ARHGAP15: variants seen among roughly 807,000 people sequenced by gnomAD.
ARHGAP15 encodes rho GTPase-activating protein 15.
In ARHGAP15, 51 loss-of-function variants were observed where a neutral mutation model predicts 63.7. The observed-to-expected ratio is 0.80, with a 90% CI of 0.64 to 1.01. ARHGAP15 has a LOEUF of 1.01. Ranked by LOEUF, ARHGAP15 falls within the 50% of genes least tolerant of loss-of-function variation. The pLI is 0.00. For synonymous variants in ARHGAP15, 191 were observed against 193.8 expected (o/e 0.99, Z 0.12); for missense variants, 560 against 564.6 (o/e 0.99, Z 0.08).
intron 2 of ARHGAP15, chr2:143,162,417 A>G (rs1394868793): frequency 6.6e-6 from 1 of 151,996 alleles, no homozygotes; most frequent in East Asian, 1.9e-4. Context: ...TCCTCTGTCG[A>G]GTTCACTGCA....
chr2:143,230,952 G>T (rs1449604474), intron 5 of ARHGAP15, among the ~76,000 whole-genome samples: 1 of 151,920 alleles, frequency 6.6e-6, no homozygotes, highest in Non-Finnish European at 1.5e-5. Flanking sequence ...TGATTTAAAA[G>T]AATAAATGGT....
intron 5 of ARHGAP15, chr2:143,237,772 C>T (rs1330592016): frequency 6.6e-6 from 1 of 152,078 alleles, no homozygotes; most frequent in Non-Finnish European, 1.5e-5. Context: ...ACATTGTAAA[C>T]ATTTTAGGGA....
rs954989480 is a variant in ARHGAP15, at chr2:143,626,544, T to C, written c.1138+2277T>C. On this transcript the variant is annotated intron_variant, in intron 12 of 13. Transcript: ENST00000295095. ...GCGAAAGGACAAAGCTTCCACAGCA[T>C]GGAAGGGGACCCCAGCGGGTTACCC... 1.3e-4 allele frequency among the ~76,000 whole-genome samples: 20 copies of C among 152,118 alleles called. 1 individual carries two copies. The highest frequency in any genetic ancestry group is 1.2e-3 in the Admixed American group (18 of 15,270).
intron 8 of ARHGAP15, among the ~76,000 whole-genome samples, chr2:143,486,057 A>T (rs1441414463): frequency 6.6e-6 from 1 of 152,226 alleles, no homozygotes; most frequent in Non-Finnish European, 1.5e-5. Context: ...CAGGGAAAGC[A>T]GGATGCAAAA....
chr2:143,641,129 A>T (rs1680577712), intron 12 of ARHGAP15: 1 of 152,154 alleles, frequency 6.6e-6, no homozygotes, highest in Admixed American at 6.6e-5. Context: ...CTTTTGACAT[A>T]AGAGGGTCCA....
chr2:143,449,602 A>G (rs1020944707), intron 8 of ARHGAP15, among the ~76,000 whole-genome samples: 3 of 152,056 alleles, frequency 2.0e-5, no homozygotes, highest in Admixed American at 6.6e-5. Context: ...CTGCCAAAAG[A>G]ATCAAGGCCC....
At chr2:143,668,640 A>G (rs1013338909) in intron 12 of ARHGAP15, among the ~76,000 whole-genome samples, 4 of 152,060 alleles carry the variant, frequency 2.6e-5, no homozygotes, top group Non-Finnish European at 4.4e-5. Context: ...TAAATAAGTC[A>G]CCCCATTTCT....
intron 10 of ARHGAP15, among the ~76,000 whole-genome samples, chr2:143,526,232 A>G (rs1694274611): frequency 6.6e-6 from 1 of 152,124 alleles, no homozygotes. Context: ...TTAATGTAGG[A>G]ATAAACGTGC....
At chr2:143,722,392 A>G (rs1191003522) in intron 13 of ARHGAP15, among the ~76,000 whole-genome samples, 3 of 152,088 alleles carry the variant, frequency 2.0e-5, no homozygotes, top group Non-Finnish European at 4.4e-5. Flanking sequence ...ATATCCTTCA[A>G]AATTTATCAT....
chr2:143,289,837 A>G (rs1323069423), intron 6 of ARHGAP15, among the ~76,000 whole-genome samples: 3 of 152,174 alleles, frequency 2.0e-5, no homozygotes, highest in Non-Finnish European at 4.4e-5. Flanking sequence ...GAGGAAGAAG[A>G]ATTATTTCAA....
At chr2:143,423,977 T>C (rs1437923978) in intron 6 of ARHGAP15, among the ~76,000 whole-genome samples, 1 of 152,096 alleles carries the variant, frequency 6.6e-6, no homozygotes, top group Admixed American at 6.6e-5. Flanking sequence ...ATACATTAAA[T>C]AATTGAGGTT....
chr2:143,478,631 T>C (rs1425283990), intron 8 of ARHGAP15, among the ~76,000 whole-genome samples: 2 of 152,184 alleles, frequency 1.3e-5, no homozygotes, highest in African/African-American at 4.8e-5. Context: ...ACCATATTGA[T>C]AAGGATTAAA....
intron 13 of ARHGAP15, among the ~76,000 whole-genome samples, chr2:143,740,909 G>A (rs1685937188): frequency 6.6e-6 from 1 of 151,806 alleles, no homozygotes; most frequent in Admixed American, 6.6e-5. Context: ...AAATATTGAA[G>A]CTGTGGTTAA....
intron 13 of ARHGAP15, among the ~76,000 whole-genome samples, chr2:143,716,605 T>C (rs1359693097): frequency 6.6e-6 from 1 of 152,108 alleles, no homozygotes; most frequent in African/African-American, 2.4e-5. Context: ...TGCTTTTAAG[T>C]GTATAAAGAA....
intron 8 of ARHGAP15, among the ~76,000 whole-genome samples, chr2:143,468,654 G>C (rs1168216042): frequency 3.8e-5 from 5 of 130,386 alleles, no homozygotes; most frequent in African/African-American, 1.4e-4. Flanking sequence ...GAGAGAGAGA[G>C]AGAGAGAGAG....
At chr2:143,469,716 C>A (rs1479401054) in intron 8 of ARHGAP15, among the ~76,000 whole-genome samples, 1 of 152,178 alleles carries the variant, frequency 6.6e-6, no homozygotes, top group Non-Finnish European at 1.5e-5. Flanking sequence ...TATGAGATAT[C>A]TCATTAACAA....
At chr2:143,190,891 C>CTCCT (rs955120783) in intron 2 of ARHGAP15, among the ~76,000 whole-genome samples, 2 of 152,222 alleles carry the variant, frequency 1.3e-5, no homozygotes, top group African/African-American at 4.8e-5. Flanking sequence ...CTGCCTCAGC[C>CTCCT]TCCTGAGTAG....
chr2:143,266,986 G>C (rs1270783283), intron 6 of ARHGAP15, among the ~76,000 whole-genome samples: 1 of 152,106 alleles, frequency 6.6e-6, no homozygotes, highest in Admixed American at 6.6e-5. Context: ...TTCTGGAAGG[G>C]TGTGACAAGC....
chr2:143,760,626 G>A (rs1317347225), intron 13 of ARHGAP15, among the ~76,000 whole-genome samples: 1 of 152,026 alleles, frequency 6.6e-6, no homozygotes, highest in Admixed American at 6.6e-5. Flanking sequence ...TCAATCTTCT[G>A]CATTGAAATT....
Sources: allele counts gnomAD v4.1 joint callset (sites outside exome capture counted in the v4.1 genomes callset), GRCh38; gene constraint gnomAD v4.1.1; transcripts MANE v1.5; gene names NCBI Gene and HGNC (gene_info 2026-07-23, HGNC 2026-07-21).